The following KLK2 variants were observed in gnomAD, a reference collection of about 807,000 sequenced individuals.
The protein encoded by KLK2 is kallikrein related peptidase 2.
In KLK2, 17 loss-of-function variants were observed where a neutral mutation model predicts 23.0. The observed-to-expected ratio is 0.74, with a 90% CI of 0.51 to 1.11. KLK2 has a LOEUF of 1.11. KLK2 is among the 50% of genes least tolerant of loss of function. The probability of loss-of-function intolerance (pLI) is 0.00; values close to 1 mark genes in which losing one functional copy is unlikely to be tolerated. For missense variants in KLK2, 330 were observed against 325.9 expected (o/e 1.01, Z -0.10); for synonymous variants, 140 against 124.7 (o/e 1.12, Z -0.82).
intron 2 of KLK2, 142 bp from the exon 3 acceptor site, chr19:50,876,330 T>C (rs2090286324): frequency 2.0e-5 from 14 of 691,154 alleles, no homozygotes; most frequent in Admixed American, 8.5e-5. Flanking sequence ...TGTCTGTATT[T>C]CACCACGACT....
chr19:50,875,994 G>A lies in KLK2; in HGVS notation c.207-478G>A, dbSNP rs115032539. On this transcript the variant is annotated intron_variant, in intron 2 of 4. Transcript: ENST00000325321. ...CCCTGCTACTCCACACTCCTCAGAT[G>A]CCCCCGTGGCCTCCCTCCTTTTTCT... is the stretch of plus-strand genomic sequence containing the variant. The A allele has an allele frequency of 3.5e-3, 637 of 182,598 alleles. 2 individuals are homozygous for A. The highest frequency in any genetic ancestry group is 0.015 in the African/African-American group (609 of 41,736). The allele number at this position is 182,598 out of a possible 1,614,324, so 11.3% of individuals were successfully genotyped here.
intron 2 of KLK2, chr19:50,875,951 T>G (rs1300040453): frequency 6.0e-6 from 1 of 167,642 alleles, no homozygotes; most frequent in African/African-American, 2.4e-5. Flanking sequence ...TGAGCCACCC[T>G]CATGCCTCTC....
intron 1 of KLK2, 169 bp downstream of exon 1, chr19:50,873,688 C>T (rs908581872): frequency 1.3e-4 from 76 of 570,624 alleles, no homozygotes; most frequent in Admixed American, 7.3e-4. Context: ...ACTAGGTCCC[C>T]GCTCCCTCCC....
rs1383383168 is a variant in KLK2, at chr19:50,878,490, G to A, written c.717G>A (p.Lys239=). The change falls in exon 5 of 5, where the codon AAG becomes AAA. Residue 239 remains lysine, a synonymous_variant. Coordinates refer to ENST00000325321, the MANE Select transcript of KLK2 (RefSeq NM_005551.5). ...CTGAGCCATGTGCCCTGCCTGAAAA[G>A]CCTGCTGTGTACACCAAGGTGGTGC... ...WGPEPCALPE[K]PAVYTKVVHY... is the part of the protein sequence containing the mutation. The A allele has an allele frequency of 7.4e-6, 12 of 1,613,998 alleles. No homozygotes were observed. Among genetic ancestry groups the A allele is most frequent in the Non-Finnish European group, 1.0e-5 (12 of 1,179,988 alleles).
intron 1 of KLK2, 40 bp downstream of exon 1, chr19:50,873,559 C>G: frequency 7.0e-7 from 1 of 1,436,418 alleles, no homozygotes; most frequent in African/African-American, 1.4e-5. Context: ...CGGGTTCTGA[C>G]TCTTATGCTG....
intron 1 of KLK2, 36 bp downstream of exon 1, chr19:50,873,555 C>G (rs1259227728): frequency 1.4e-6 from 2 of 1,471,808 alleles, no homozygotes; most frequent in Middle Eastern, 3.4e-4. Flanking sequence ...GGGGCGGGTT[C>G]TGACTCTTAT....
Position 50,876,696 on chromosome 19 carries a change from AGGAGCCAGCACTGG to A in KLK2, c.435_448del (p.Glu145AspfsTer33). On this transcript the variant is annotated frameshift_variant, in exon 3 of 5. Coordinates refer to ENST00000325321, the MANE Select transcript of KLK2 (RefSeq NM_005551.5). LOFTEE classifies it high-confidence loss of function. ...GTGAAGGTCCTGGGCCTGCCCACCC[AGGAGCCAGCACTGG>A]GGACCACCTGCTACGCCTCAGGCTG... 6.2e-7 allele frequency: 1 copy of A among 1,614,186 alleles called. No individual in the cohort carries two copies. The highest frequency in any genetic ancestry group is 8.5e-7 in the Non-Finnish European group (1 of 1,180,036).
At chr19:50,875,042 A>G in intron 2 of KLK2, 162 bp downstream of exon 2, 2 of 1,321,802 alleles carry the variant, frequency 1.5e-6, no homozygotes, top group South Asian at 3.7e-5. Context: ...GGGCTGGACC[A>G]CTCTCCCCAT....
chr19:50,878,283 C>G (rs1344809216), intron 4 of KLK2, 121 bp from the exon 5 acceptor site: 1 of 949,892 alleles, frequency 1.1e-6, no homozygotes, highest in African/African-American at 1.6e-5. Context: ...ACATTTCTGT[C>G]TGTTCCTGAG....
chr19:50,878,565 C>T lies in KLK2; in HGVS notation c.*6C>T. ...CCATCGCAGCCAACCCCTGAGTGCC[C>T]CTGTCCCACCCCTACCTCTAGTAAA... On this transcript the variant is annotated 3_prime_UTR_variant, in exon 5 of 5. Coordinates refer to ENST00000325321, the MANE Select transcript of KLK2 (RefSeq NM_005551.5). 1.2e-6 allele frequency: 2 copies of T among 1,608,346 alleles called. No individual in the cohort carries two copies. Among genetic ancestry groups the T allele is most frequent in the Non-Finnish European group, 1.7e-6 (2 of 1,175,732 alleles).
At chr19:50,874,927 G>T (rs1455051236) in intron 2 of KLK2, 47 bp downstream of exon 2, 1 of 1,592,788 alleles carries the variant, frequency 6.3e-7, no homozygotes, top group Non-Finnish European at 8.6e-7. Context: ...GTGTCCCACA[G>T]GAATAACAGC....
At chr19:50,875,222 C>T (rs909887597) in intron 2 of KLK2, among the ~76,000 whole-genome samples, 1 of 152,160 alleles carries the variant, frequency 6.6e-6, no homozygotes, top group African/African-American at 2.4e-5. Context: ...CCATCTCTGT[C>T]ACCGTGTGTC....
chr19:50,876,835 G>C (rs763799875), intron 3 of KLK2, 37 bp from the exon 4 acceptor site: 4 of 1,611,062 alleles, frequency 2.5e-6, no homozygotes, highest in Non-Finnish European at 3.4e-6. Context: ...GAACCAGGTG[G>C]GGTCCGGCCA....
At chr19:50,873,552 G>T (rs751998602) in intron 1 of KLK2, 33 bp downstream of exon 1, 16 of 1,485,146 alleles carry the variant, frequency 1.1e-5, no homozygotes, top group Non-Finnish European at 1.3e-5. Context: ...AGGGGGGCGG[G>T]TTCTGACTCT....
At position 50,876,666 on chromosome 19, in the gene KLK2, ATGT is replaced by A. The variant is rs1349178524; in HGVS notation, c.405_407del (p.Val136del). ...CTGTCAGAGCCTGCCAAGATCACAG[ATGT>A]TGTGAAGGTCCTGGGCCTGCCCACC... On this transcript the variant is annotated inframe_deletion, in exon 3 of 5. Coordinates refer to ENST00000325321, the MANE Select transcript of KLK2 (RefSeq NM_005551.5). 3 of 1,614,170 alleles carry A rather than the reference ATGT, an allele frequency of 1.9e-6. No individual in the cohort carries two copies. The highest frequency in any genetic ancestry group is 2.5e-6 in the Non-Finnish European group (3 of 1,180,014).
intron 1 of KLK2, 87 bp downstream of exon 1, chr19:50,873,606 C>T: frequency 1.1e-6 from 1 of 930,494 alleles, no homozygotes; most frequent in South Asian, 1.6e-5. Context: ...CCAGCCTCGT[C>T]CCTTCAGCCC....
intron 1 of KLK2, 85 bp downstream of exon 1, chr19:50,873,604 G>T: frequency 1.0e-6 from 1 of 968,688 alleles, no homozygotes; most frequent in South Asian, 1.5e-5. Context: ...CCCCAGCCTC[G>T]TCCCTTCAGC....
intron 2 of KLK2, chr19:50,875,862 G>C (rs2090281663): frequency 6.4e-6 from 1 of 155,042 alleles, no homozygotes; most frequent in East Asian, 1.9e-4. Context: ...GAGCTGGAGA[G>C]AGAAAGGGGG....
At chr19:50,875,422 C>T (rs922445341) in intron 2 of KLK2, among the ~76,000 whole-genome samples, 2 of 152,214 alleles carry the variant, frequency 1.3e-5, no homozygotes, top group African/African-American at 4.8e-5. Flanking sequence ...TCCCTCCACC[C>T]TGGGGAGACA....
Sources: gnomAD v4.1 joint callset for allele counts (sites outside exome capture counted in the v4.1 genomes callset) on GRCh38, gnomAD v4.1.1 for gene constraint, MANE v1.5 for transcripts, NCBI Gene and HGNC (gene_info 2026-07-23, HGNC 2026-07-21) for gene names.